Variants in B9D1 observed in about 807,000 individuals in gnomAD.
B9D1 encodes B9 domain containing 1.
A neutral mutation model predicts 26.1 loss-of-function variants in B9D1; 20 were observed. The observed-to-expected ratio is 0.77, with a 90% CI of 0.54 to 1.12. B9D1 has a LOEUF of 1.12. Among genes scored for constraint, B9D1 ranks in the 50% most tolerant of loss-of-function variants. The pLI, the probability that B9D1 is intolerant of heterozygous loss-of-function variation, is 0.00. For synonymous variants in B9D1, 105 were observed against 103.1 expected, an observed-to-expected ratio of 1.02 and a Z score of -0.11; for missense variants, 260 against 273.7, an observed-to-expected ratio of 0.95 and a Z score of 0.35.
intron 1 of B9D1, chr17:19,377,677 A>G (rs1398395625): frequency 1.4e-5 from 3 of 212,748 alleles, no homozygotes; most frequent in Non-Finnish European, 2.4e-5. Flanking sequence ...AACATTTGCT[A>G]CATGAATGAA....
At chr17:19,335,501 C>G (rs1907369401), downstream of B9D1, 2 of 1,542,156 alleles carry the variant, frequency 1.3e-6, no homozygotes, top group South Asian at 2.4e-5. Flanking sequence ...CTGTCTTAAT[C>G]CACGCTCAGG....
downstream of B9D1, chr17:19,337,601 G>A (rs1907551833): frequency 9.4e-6 from 9 of 955,220 alleles, no homozygotes; most frequent in African/African-American, 1.6e-5. Flanking sequence ...AGAAGGGTGT[G>A]TGGGATGCTC....
At chr17:19,375,761 T>G (rs1912070527) in intron 1 of B9D1, among the ~76,000 whole-genome samples, 1 of 152,096 alleles carries the variant, frequency 6.6e-6, no homozygotes, top group Admixed American at 6.6e-5. Flanking sequence ...AAAGAGGTGT[T>G]GGTGAGGATG....
chr17:19,343,968 A>G, intron 5 of B9D1, 111 bp from the exon 6 acceptor site: 6 of 1,481,894 alleles, frequency 4.0e-6, no homozygotes, highest in East Asian at 4.9e-5. Flanking sequence ...TCTTGTTCCA[A>G]CCGCACCCCA....
intron 5 of B9D1, chr17:19,346,894 A>G (rs1908879782): frequency 2.1e-6 from 3 of 1,424,840 alleles, no homozygotes; most frequent in African/African-American, 2.9e-5. Flanking sequence ...AGACTCCCAC[A>G]TGTAAAGGCA....
intron 2 of B9D1, among the ~76,000 whole-genome samples, 183 bp from the exon 3 acceptor site, chr17:19,358,134 C>G (rs909721351): frequency 6.6e-6 from 1 of 152,096 alleles, no homozygotes; most frequent in Non-Finnish European, 1.5e-5. Flanking sequence ...GGTACTTTAA[C>G]GCCGTAGCTT....
chr17:19,346,639 C>T (rs944060580), intron 5 of B9D1, among the ~76,000 whole-genome samples: 1 of 152,176 alleles, frequency 6.6e-6, no homozygotes. Context: ...TCCAGGCATC[C>T]CCTGGGCCCT....
At chr17:19,368,069 G>A (rs1037320451) in intron 1 of B9D1, among the ~76,000 whole-genome samples, 1 of 152,184 alleles carries the variant, frequency 6.6e-6, no homozygotes, top group Non-Finnish European at 1.5e-5. Context: ...GAGACAACTC[G>A]GATCCAGCCT....
chr17:19,353,517 G>A (rs1909934389), intron 3 of B9D1, among the ~76,000 whole-genome samples: 2 of 151,988 alleles, frequency 1.3e-5, no homozygotes, highest in South Asian at 2.1e-4. Context: ...GCAGGCGCCT[G>A]TAATCCCAGC....
At chr17:19,358,608 C>A (rs766996078) in intron 2 of B9D1, among the ~76,000 whole-genome samples, 6 of 152,224 alleles carry the variant, frequency 3.9e-5, no homozygotes, top group Non-Finnish European at 8.8e-5. Flanking sequence ...GCTGCTTACT[C>A]CTTGATACAC....
In B9D1 at chr17:19,347,927, G is replaced by A. The variant is rs1555608090; in HGVS notation, c.245-47C>T. The A allele has an allele frequency of 1.3e-6, 2 of 1,531,262 alleles. No homozygotes were observed. Among genetic ancestry groups the A allele is most frequent in the Non-Finnish European group, 9.0e-7 (1 of 1,106,600 alleles). The allele number at this position is 1,531,262 out of a possible 1,614,324, so 94.9% of individuals were successfully genotyped here. ...GGTGGGCACATGAGGACACACAGGG[G>A]AGGTGCAGGGCAGAGAACAGGGCGT... On this transcript the variant is annotated intron_variant, in intron 3 of 6. Transcript: ENST00000261499. The surrounding 1 kb of genome is among the most constrained non-coding windows in gnomAD (Gnocchi z 4.3).
chr17:19,341,778 G>T (rs1907992707), downstream of B9D1, among the ~76,000 whole-genome samples: 1 of 152,226 alleles, frequency 6.6e-6, no homozygotes, highest in Non-Finnish European at 1.5e-5. Flanking sequence ...TGGAGACCTT[G>T]CCAGGTGAGC....
In B9D1 at chr17:19,360,391, G is replaced by C; in HGVS notation, c.64-3C>G. On this transcript the variant is annotated splice_region_variant and splice_polypyrimidine_tract_variant and intron_variant, in intron 1 of 6. Transcript: ENST00000261499. ...TAGAGGTCATCATACTCTGGAAACT[G>C]AAAAAAGCACAGACAGATTCTGTCG... 6.2e-7 allele frequency: 1 copy of C among 1,613,538 alleles called. No individual in the cohort carries two copies. The highest frequency in any genetic ancestry group is 8.5e-7 in the Non-Finnish European group (1 of 1,179,780).
At chr17:19,343,503 A>C in intron 6 of B9D1, 42 bp from the exon 7 acceptor site, 2 of 1,613,498 alleles carry the variant, frequency 1.2e-6, no homozygotes, top group Non-Finnish European at 1.7e-6. Context: ...GGGCTGGGGC[A>C]GAGAGAGACC....
downstream of B9D1, chr17:19,335,315 A>G: frequency 7.5e-7 from 1 of 1,342,216 alleles, no homozygotes; most frequent in Non-Finnish European, 1.0e-6. Context: ...TCTTACGAAT[A>G]TACCAACATC....
chr17:19,369,181 G>A (rs1336041562), intron 1 of B9D1, among the ~76,000 whole-genome samples: 1 of 152,226 alleles, frequency 6.6e-6, no homozygotes, highest in Admixed American at 6.5e-5. Context: ...CCTCTCAGGA[G>A]AAGACATTGG....
At chr17:19,366,437 A>G (rs894693350), upstream of B9D1, among the ~76,000 whole-genome samples, 1 of 152,004 alleles carries the variant, frequency 6.6e-6, no homozygotes, top group Non-Finnish European at 1.5e-5. Flanking sequence ...GACCAACAGT[A>G]ACAATAATAA....
exon 1 of B9D1, chr17:19,377,859 C>G (rs1912228832): frequency 1.0e-6 from 1 of 985,424 alleles, no homozygotes; most frequent in African/African-American, 1.7e-5. Flanking sequence ...GGGAAGATAC[C>G]TAGAAGCCAG....
upstream of B9D1, chr17:19,362,867 G>T: frequency 3.3e-6 from 2 of 601,190 alleles, no homozygotes; most frequent in Non-Finnish European, 5.6e-6. Flanking sequence ...CAGCCCTACC[G>T]CTCGACTCAG....
Sources: allele counts gnomAD v4.1 joint callset (sites outside exome capture counted in the v4.1 genomes callset), GRCh38; gene constraint gnomAD v4.1.1; non-coding constraint Gnocchi (gnomAD v3.1); transcripts MANE v1.5; gene names NCBI Gene and HGNC (gene_info 2026-07-23, HGNC 2026-07-21).